TMEM114: variants seen among roughly 807,000 people sequenced by gnomAD.
TMEM114 encodes claudin-26.
TMEM114 carries 6 observed loss-of-function variants against 6.2 expected under a neutral mutation model. The ratio of observed to expected loss-of-function variants is 0.97; its 90% CI spans 0.53 to 1.91. TMEM114 has a LOEUF of 1.91. Ranked by LOEUF, TMEM114 falls within the 40% of genes most tolerant of loss-of-function variation. The pLI, the probability that TMEM114 is intolerant of heterozygous loss-of-function variation, is 0.01. For missense variants in TMEM114, 218 were observed against 158.3 expected (o/e 1.38, Z -2.02); for synonymous variants, 104 against 73.0 (o/e 1.42, Z -2.16).
At chr16:8,548,259 G>A (rs1900734468) in intron 2 of TMEM114, among the ~76,000 whole-genome samples, 2 of 152,156 alleles carry the variant, frequency 1.3e-5, no homozygotes, top group Non-Finnish European at 2.9e-5. Flanking sequence ...ATGAGTTCCT[G>A]CCTCTCAGGG....
chr16:8,578,757 T>A (rs1902030509), intron 2 of TMEM114, among the ~76,000 whole-genome samples: 1 of 152,166 alleles, frequency 6.6e-6, no homozygotes, highest in Non-Finnish European at 1.5e-5. Flanking sequence ...GACAGGTGGA[T>A]CACCTGAGGT....
downstream of TMEM114, among the ~76,000 whole-genome samples, chr16:8,534,547 T>A (rs1204467348): frequency 6.6e-6 from 1 of 152,138 alleles, no homozygotes; most frequent in East Asian, 1.9e-4. Context: ...CCATCACTAC[T>A]TTTCCTTTGG....
chr16:8,529,890 G>C, the TMEM114 span, among the ~76,000 whole-genome samples: 2 of 152,126 alleles, frequency 1.3e-5, no homozygotes, highest in African/African-American at 2.4e-5. Context: ...AGAATTTTAG[G>C]CTCTTGGATT....
chr16:8,578,050 G>A (rs1363329731), intron 2 of TMEM114, among the ~76,000 whole-genome samples: 1 of 152,166 alleles, frequency 6.6e-6, no homozygotes, highest in Non-Finnish European at 1.5e-5. Context: ...AGAGTAGACA[G>A]GAAGCAAGGA....
chr16:8,537,362 G>A (rs560758521), downstream of TMEM114, among the ~76,000 whole-genome samples: 9 of 151,946 alleles, frequency 5.9e-5, no homozygotes, highest in Non-Finnish European at 7.4e-5. Context: ...TTAGCCAAGC[G>A]CGATGGCACA....
chr16:8,552,446 A>T (rs1310508952), intron 2 of TMEM114, among the ~76,000 whole-genome samples: 1 of 152,054 alleles, frequency 6.6e-6, no homozygotes, highest in Non-Finnish European at 1.5e-5. Context: ...GGTGATTGAA[A>T]AGGTCTGCTT....
chr16:8,562,842 G>A (rs1266017552), intron 2 of TMEM114, among the ~76,000 whole-genome samples: 1 of 150,828 alleles, frequency 6.6e-6, no homozygotes, highest in Non-Finnish European at 1.5e-5. Context: ...ATGAGTGAGT[G>A]AATAAGTGAG....
intron 2 of TMEM114, among the ~76,000 whole-genome samples, chr16:8,547,642 C>A (rs546749850): frequency 6.6e-6 from 1 of 152,112 alleles, no homozygotes; most frequent in Non-Finnish European, 1.5e-5. Context: ...CCACCCGCCT[C>A]GGCCTCCCAA....
intron 2 of TMEM114, among the ~76,000 whole-genome samples, chr16:8,539,665 T>C (rs547571384): frequency 1.3e-5 from 2 of 152,114 alleles, no homozygotes; most frequent in African/African-American, 2.4e-5. Flanking sequence ...GATCCTTAAA[T>C]ATTTATTCAC....
downstream of TMEM114, among the ~76,000 whole-genome samples, chr16:8,533,439 T>G (rs1400758145): frequency 1.3e-5 from 2 of 152,092 alleles, no homozygotes; most frequent in Non-Finnish European, 2.9e-5. Flanking sequence ...TGGAGTATTG[T>G]GAGGGGCGAT....
At chr16:8,544,959 C>T (rs1194574372) in intron 2 of TMEM114, among the ~76,000 whole-genome samples, 2 of 151,962 alleles carry the variant, frequency 1.3e-5, no homozygotes, top group African/African-American at 2.4e-5. Context: ...CCCCCAACCC[C>T]GTAATATCTT....
intron 2 of TMEM114, among the ~76,000 whole-genome samples, chr16:8,556,658 C>T (rs369641300): frequency 2.0e-5 from 3 of 152,044 alleles, no homozygotes; most frequent in Non-Finnish European, 1.5e-5. Flanking sequence ...CCCGCCATCA[C>T]ACATGGCTAA....
rs931892864 is a variant in TMEM114 at position 8,575,692 on chromosome 16, T to C, written c.302-3468A>G. Among the ~76,000 whole-genome samples, 8 of 152,346 alleles carry C rather than the reference T, an allele frequency of 5.3e-5. No individual in the cohort carries two copies. In the South Asian group the frequency reaches 1.2e-3, roughly 24 times the overall value. On this transcript the variant is annotated intron_variant, in intron 2 of 3. Transcript: ENST00000620492. ...CAGCTAAATGGGAATACTAAGAGTA[T>C]GCACTTTACAGGATTGTGTACTGAG...
chr16:8,588,783 G>C (rs1459863439), intron 2 of TMEM114, among the ~76,000 whole-genome samples: 1 of 152,162 alleles, frequency 6.6e-6, no homozygotes, highest in African/African-American at 2.4e-5. Flanking sequence ...AACAACGCTG[G>C]CATGGAATCT....
intron 2 of TMEM114, among the ~76,000 whole-genome samples, chr16:8,548,502 C>G (rs963278611): frequency 1.3e-5 from 2 of 152,118 alleles, no homozygotes; most frequent in South Asian, 2.1e-4. Context: ...ACCCCACACA[C>G]ACCCTTGAAA....
At chr16:8,550,988 T>C (rs895991391) in intron 2 of TMEM114, among the ~76,000 whole-genome samples, 3 of 152,218 alleles carry the variant, frequency 2.0e-5, no homozygotes, top group African/African-American at 7.2e-5. Context: ...AGATGAATGA[T>C]ACATGGTTCT....
intron 2 of TMEM114, among the ~76,000 whole-genome samples, chr16:8,577,640 A>G (rs937969970): frequency 6.6e-6 from 1 of 151,776 alleles, no homozygotes; most frequent in African/African-American, 2.4e-5. Flanking sequence ...CTGGAATGCA[A>G]TGGTGCCATC....
At chr16:8,581,173 T>A (rs1013058290) in intron 2 of TMEM114, among the ~76,000 whole-genome samples, 11 of 152,198 alleles carry the variant, frequency 7.2e-5, no homozygotes, top group Admixed American at 3.9e-4. Context: ...GGGGGGATAA[T>A]AAATGACATC....
At chr16:8,567,963 C>A (rs560157943), downstream of TMEM114, among the ~76,000 whole-genome samples, 4 of 152,164 alleles carry the variant, frequency 2.6e-5, no homozygotes, top group Non-Finnish European at 5.9e-5. Context: ...TTGCGCCTTT[C>A]CGGATTAGAC....
Sources: allele counts gnomAD v4.1 joint callset (sites outside exome capture counted in the v4.1 genomes callset), GRCh38; gene constraint gnomAD v4.1.1; transcripts MANE v1.5; gene names NCBI Gene and HGNC (gene_info 2026-07-23, HGNC 2026-07-21).